FANCC: variants seen among roughly 807,000 people sequenced by gnomAD.
The protein encoded by FANCC is Fanconi anemia group C protein.
A neutral mutation model predicts 71.3 loss-of-function variants in FANCC; 55 were observed. That is an observed-to-expected ratio of 0.77 (90% CI 0.62 to 0.97). The LOEUF is 0.97. Among genes scored for constraint, FANCC ranks in the 50% least tolerant of loss-of-function variants. FANCC has a pLI of 0.00. For synonymous variants in FANCC, 275 were observed against 244.9 expected (o/e 1.12, Z -1.15); for missense variants, 678 against 670.9 (o/e 1.01, Z -0.12).
At chr9:95,245,910 A>AG (rs1286402897) in intron 3 of FANCC, among the ~76,000 whole-genome samples, 1 of 152,048 alleles carries the variant, frequency 6.6e-6, no homozygotes, top group East Asian at 1.9e-4. Flanking sequence ...AAAAAAAAAA[A>AG]AAAAGTTACA....
intron 1 of FANCC, among the ~76,000 whole-genome samples, chr9:95,286,840 A>AT (rs1833717013): frequency 6.6e-6 from 1 of 152,174 alleles, no homozygotes; most frequent in South Asian, 2.1e-4. Flanking sequence ...TCACAATTTA[A>AT]TTTTTAAAAG....
At chr9:95,141,981 TG>T (rs1191662404) in intron 7 of FANCC, among the ~76,000 whole-genome samples, 16 of 121,824 alleles carry the variant, frequency 1.3e-4, no homozygotes, top group South Asian at 2.8e-4. Flanking sequence ...TAACAGTTTG[TG>T]GGGTTTTTTT....
chr9:95,137,058 A>C (rs558694993), intron 7 of FANCC, among the ~76,000 whole-genome samples: 3 of 152,192 alleles, frequency 2.0e-5, no homozygotes, highest in African/African-American at 7.2e-5. Context: ...TCTTGCCCCA[A>C]GAAAAACAAG....
At chr9:95,291,754 C>T (rs1046390841) in intron 1 of FANCC, among the ~76,000 whole-genome samples, 1 of 151,500 alleles carries the variant, frequency 6.6e-6, no homozygotes, top group Non-Finnish European at 1.5e-5. Flanking sequence ...GCGAGACCAC[C>T]CTGGCCAACA....
chr9:95,195,793 C>T (rs1827419202), intron 4 of FANCC, among the ~76,000 whole-genome samples: 1 of 152,202 alleles, frequency 6.6e-6, no homozygotes, highest in Non-Finnish European at 1.5e-5. Flanking sequence ...ATTTCATCAG[C>T]ACTTTGTAAC....
chr9:95,254,720 G>A (rs1310427750), intron 1 of FANCC, among the ~76,000 whole-genome samples: 1 of 152,150 alleles, frequency 6.6e-6, no homozygotes, highest in African/African-American at 2.4e-5. Flanking sequence ...GAACACCAGC[G>A]AGACAGAACC....
At chr9:95,242,189 T>C (rs969450900) in intron 3 of FANCC, among the ~76,000 whole-genome samples, 4 of 152,186 alleles carry the variant, frequency 2.6e-5, no homozygotes, top group African/African-American at 9.6e-5. Flanking sequence ...CCCTAGCTTT[T>C]ATGAGCTCAA....
chr9:95,141,853 C>T (rs764033819), intron 7 of FANCC, among the ~76,000 whole-genome samples: 10 of 152,120 alleles, frequency 6.6e-5, no homozygotes, highest in Non-Finnish European at 1.3e-4. Context: ...ATTAAGCTTA[C>T]ATCTGGTTTT....
chr9:95,115,293 A>T (rs2072302646), intron 11 of FANCC, among the ~76,000 whole-genome samples: 1 of 152,222 alleles, frequency 6.6e-6, no homozygotes, highest in Non-Finnish European at 1.5e-5. Context: ...TTGCATAAGC[A>T]GCCCCCGCTG....
chr9:95,221,357 C>G (rs1440687854), intron 4 of FANCC, among the ~76,000 whole-genome samples: 1 of 152,102 alleles, frequency 6.6e-6, no homozygotes, highest in Admixed American at 6.5e-5. Context: ...TAAAATAGAT[C>G]ACATATCTAA....
chr9:95,182,553 A>G (rs773316714), intron 4 of FANCC, among the ~76,000 whole-genome samples: 8 of 152,038 alleles, frequency 5.3e-5, no homozygotes, highest in African/African-American at 9.7e-5. Flanking sequence ...GGGATCCCTT[A>G]TTTATTCATT....
At chr9:95,138,662 C>G (rs1828102216) in intron 7 of FANCC, among the ~76,000 whole-genome samples, 1 of 152,242 alleles carries the variant, frequency 6.6e-6, no homozygotes, top group Admixed American at 6.5e-5. Context: ...TCTGCCAGTA[C>G]CACATCCTGG....
intron 13 of FANCC, 100 bp downstream of exon 13, chr9:95,111,363 G>A: frequency 1.3e-6 from 2 of 1,597,876 alleles, no homozygotes; most frequent in Non-Finnish European, 1.7e-6. Flanking sequence ...CAGAGCTCAG[G>A]TGTCATGGAA....
intron 1 of FANCC, among the ~76,000 whole-genome samples, chr9:95,252,287 A>G (rs1345667726): frequency 1.3e-5 from 2 of 149,408 alleles, no homozygotes; most frequent in African/African-American, 2.5e-5. Flanking sequence ...AAAAAAAAAA[A>G]AAAAAAAGAA....
At chr9:95,144,990 T>C (rs545993217) in intron 7 of FANCC, among the ~76,000 whole-genome samples, 4 of 152,296 alleles carry the variant, frequency 2.6e-5, no homozygotes, top group Admixed American at 2.0e-4. Context: ...AAAAAGGCCA[T>C]TTTATTTTTT....
At chr9:95,227,775 T>C (rs1384398421) in intron 4 of FANCC, among the ~76,000 whole-genome samples, 1 of 152,262 alleles carries the variant, frequency 6.6e-6, no homozygotes, top group Non-Finnish European at 1.5e-5. Context: ...TAAACCTTCT[T>C]GAGTACCTAA....
intron 1 of FANCC, among the ~76,000 whole-genome samples, chr9:95,291,994 T>A (rs1204783472): frequency 9.2e-5 from 8 of 87,076 alleles, no homozygotes; most frequent in South Asian, 3.9e-4. Context: ...ATATATATAT[T>A]AAGACCCCAA....
intron 4 of FANCC, among the ~76,000 whole-genome samples, chr9:95,235,781 T>C (rs1487717663): frequency 7.6e-6 from 1 of 131,992 alleles, no homozygotes; most frequent in Non-Finnish European, 1.5e-5. Context: ...GAGGCGGAGG[T>C]TGCAGTGGGC....
At chr9:95,201,393 CG>C (rs1470357099) in intron 4 of FANCC, among the ~76,000 whole-genome samples, 1 of 151,932 alleles carries the variant, frequency 6.6e-6, no homozygotes, top group Non-Finnish European at 1.5e-5. Flanking sequence ...TGTTCCAAGG[CG>C]TGAAGTTCCA....
Sources: gnomAD v4.1 joint callset for allele counts (sites outside exome capture counted in the v4.1 genomes callset) on GRCh38, gnomAD v4.1.1 for gene constraint, MANE v1.5 for transcripts, NCBI Gene and HGNC (gene_info 2026-07-23, HGNC 2026-07-21) for gene names.